The following CSMD3 variants were observed in gnomAD, a reference collection of about 807,000 sequenced individuals.
The protein encoded by CSMD3 is CUB and Sushi multiple domains 3.
A neutral mutation model predicts 435.2 loss-of-function variants in CSMD3; 177 were observed. The ratio of observed to expected loss-of-function variants is 0.41; its 90% CI spans 0.36 to 0.46. The LOEUF (loss-of-function observed/expected upper bound fraction) is 0.46, where lower values mean the gene tolerates loss of function less well. CSMD3 is among the 20% of genes least tolerant of loss of function. The pLI is 0.34. For missense variants in CSMD3, 4,265 were observed against 4,504.6 expected, an observed-to-expected ratio of 0.95 and a Z score of 1.52; for synonymous variants, 1,656 against 1,520.5, an observed-to-expected ratio of 1.09 and a Z score of -2.07.
intron 8 of CSMD3, among the ~76,000 whole-genome samples, chr8:112,951,118 CA>C (rs1257353713): frequency 6.6e-6 from 1 of 151,736 alleles, no homozygotes; most frequent in Non-Finnish European, 1.5e-5. Context: ...AAAAAAAGTG[CA>C]ATCTATCTTT....
intron 5 of CSMD3, among the ~76,000 whole-genome samples, chr8:113,090,364 T>A (rs997645597): frequency 6.6e-6 from 1 of 150,868 alleles, no homozygotes; most frequent in Admixed American, 6.6e-5. Context: ...GATGAAAAAA[T>A]TTGAAATATT....
At chr8:112,399,395 A>G (rs1563895201) in intron 35 of CSMD3, among the ~76,000 whole-genome samples, 1 of 151,586 alleles carries the variant, frequency 6.6e-6, no homozygotes, top group Non-Finnish European at 1.5e-5. Context: ...AGAGTAGTTA[A>G]GACTATAGGT....
intron 30 of CSMD3, 111 bp from the exon 31 acceptor site, chr8:112,492,794 GA>G: frequency 1.1e-6 from 1 of 884,110 alleles, no homozygotes; most frequent in Non-Finnish European, 1.9e-6. Context: ...AAAATATTTG[GA>G]AAAAACTGTA....
At chr8:113,357,741 C>T (rs1278446287) in intron 1 of CSMD3, among the ~76,000 whole-genome samples, 8 of 152,170 alleles carry the variant, frequency 5.3e-5, no homozygotes, top group Non-Finnish European at 1.2e-4. Context: ...GCAGATTTCC[C>T]TCTTGCTGTT....
chr8:113,083,277 C>G (rs943478614), intron 5 of CSMD3, among the ~76,000 whole-genome samples: 27 of 151,970 alleles, frequency 1.8e-4, no homozygotes, highest in African/African-American at 6.5e-4. Flanking sequence ...AGGGAATGCT[C>G]ATTAGACTAA....
At chr8:113,017,225 A>G (rs964763) in intron 6 of CSMD3, among the ~76,000 whole-genome samples, 91,679 of 151,734 alleles carry the variant, frequency 0.6, 29,315 homozygotes, top group East Asian at 0.95. Flanking sequence ...AAAACGCATA[A>G]TGCTTGAAAA....
chr8:112,805,461 A>T (rs961338303), intron 12 of CSMD3, among the ~76,000 whole-genome samples: 8 of 152,198 alleles, frequency 5.3e-5, no homozygotes, highest in African/African-American at 1.9e-4. Flanking sequence ...TAGAAGAAAT[A>T]AACACAGTTA....
intron 13 of CSMD3, among the ~76,000 whole-genome samples, chr8:112,743,140 T>C (rs1416982171): frequency 6.6e-6 from 1 of 152,036 alleles, no homozygotes; most frequent in Non-Finnish European, 1.5e-5. Flanking sequence ...GTGTGCTTAT[T>C]TGTACATGTA....
At chr8:112,549,643 A>C (rs1827500719) in intron 27 of CSMD3, among the ~76,000 whole-genome samples, 1 of 152,034 alleles carries the variant, frequency 6.6e-6, no homozygotes, top group African/African-American at 2.4e-5. Flanking sequence ...AAGACATTTC[A>C]ATGTTACATT....
At chr8:112,330,572 C>T (rs1186482221) in intron 45 of CSMD3, among the ~76,000 whole-genome samples, 1 of 152,054 alleles carries the variant, frequency 6.6e-6, no homozygotes, top group African/African-American at 2.4e-5. Flanking sequence ...TGGCACAGTG[C>T]CCACAGGCAC....
chr8:113,381,428 A>C (rs2094415023), intron 1 of CSMD3, among the ~76,000 whole-genome samples: 1 of 152,144 alleles, frequency 6.6e-6, no homozygotes, highest in African/African-American at 2.4e-5. Flanking sequence ...AGAATGCAAA[A>C]TTGAAAAAAG....
At chr8:112,849,497 C>T (rs1434142865) in intron 11 of CSMD3, among the ~76,000 whole-genome samples, 1 of 151,872 alleles carries the variant, frequency 6.6e-6, no homozygotes, top group East Asian at 1.9e-4. Flanking sequence ...AATCTATTAG[C>T]AACCTAACAA....
At chr8:112,870,930 T>C (rs1456013709) in intron 10 of CSMD3, among the ~76,000 whole-genome samples, 2 of 152,134 alleles carry the variant, frequency 1.3e-5, no homozygotes, top group Non-Finnish European at 2.9e-5. Flanking sequence ...AGAAAAGGAA[T>C]TGTTTTACTT....
At chr8:112,365,535 G>T (rs948169597) in intron 38 of CSMD3, among the ~76,000 whole-genome samples, 7 of 125,188 alleles carry the variant, frequency 5.6e-5, no homozygotes, top group African/African-American at 2.1e-4. Context: ...TGTTTGAATA[G>T]AATCTACTTT....
At chr8:113,198,485 C>A (rs1018890196) in intron 3 of CSMD3, among the ~76,000 whole-genome samples, 2 of 151,192 alleles carry the variant, frequency 1.3e-5, no homozygotes, top group Non-Finnish European at 3.0e-5. Context: ...GATAAACATA[C>A]ACATACTAAA....
intron 32 of CSMD3, among the ~76,000 whole-genome samples, chr8:112,448,767 A>C (rs1002436585): frequency 6.6e-6 from 1 of 151,472 alleles, no homozygotes; most frequent in African/African-American, 2.4e-5. Flanking sequence ...AAAAAAAAAA[A>C]AAAAAAAAAA....
chr8:112,367,956 A>T (rs985290448), intron 38 of CSMD3, among the ~76,000 whole-genome samples: 1 of 152,286 alleles, frequency 6.6e-6, no homozygotes, highest in African/African-American at 2.4e-5. Flanking sequence ...TATTTATTTA[A>T]TTATAAAGCA....
chr8:112,516,982 T>C lies in CSMD3; in HGVS notation c.4756+52A>G, dbSNP rs1823734515. The C allele has an allele frequency of 2.9e-6, 4 of 1,396,100 alleles. No individual in the cohort carries two copies. In the Admixed American group the frequency reaches 6.8e-5, roughly 24 times the overall value. The allele number at this position is 1,396,100 out of a possible 1,614,324, so 86.5% of individuals were successfully genotyped here. ...TGGTTCTTAAGAACAATACCAGTTT[T>C]TAACCATTGTTTTATGTTTATATAA... On this transcript the variant is annotated intron_variant, in intron 28 of 70. Coordinates refer to ENST00000297405, the MANE Select transcript of CSMD3 (RefSeq NM_198123.2).
At chr8:112,714,960 C>A (rs751845878) in intron 13 of CSMD3, among the ~76,000 whole-genome samples, 12 of 152,076 alleles carry the variant, frequency 7.9e-5, no homozygotes, top group Admixed American at 3.9e-4. Context: ...TAAATGCCCA[C>A]ATCAGAAAGC....
Sources: gnomAD v4.1 joint callset for allele counts (sites outside exome capture counted in the v4.1 genomes callset) on GRCh38, gnomAD v4.1.1 for gene constraint, MANE v1.5 for transcripts, NCBI Gene and HGNC (gene_info 2026-07-23, HGNC 2026-07-21) for gene names.